Variants in VGLL4 observed in about 807,000 individuals in gnomAD.
The protein encoded by VGLL4 is vestigial like family member 4.
A neutral mutation model predicts 21.0 loss-of-function variants in VGLL4; 7 were observed. That is an observed-to-expected ratio of 0.33 (90% CI 0.19 to 0.63). The LOEUF is 0.63. VGLL4 is among the 20% of genes least tolerant of loss of function. The pLI is 0.78. For synonymous variants in VGLL4, 222 were observed against 173.2 expected, an observed-to-expected ratio of 1.28 and a Z score of -2.21; for missense variants, 394 against 425.7, an observed-to-expected ratio of 0.93 and a Z score of 0.66.
chr3:11,559,206 A>G lies in VGLL4; in HGVS notation c.619+126T>C, dbSNP rs910962795. The G allele has an allele frequency of 2.1e-6, 3 of 1,414,418 alleles. No individual in the cohort carries two copies. The East Asian group carries it at 7.6e-5, about 36-fold the overall frequency. 87.6% of individuals were successfully genotyped at this position (1,414,418 alleles called of 1,614,324 possible). A position where few individuals can be genotyped will look rare whatever the true frequency, so the allele number is the denominator to read the frequency against. On this transcript the variant is annotated intron_variant, in intron 4 of 4. Coordinates refer to ENST00000430365, the MANE Select transcript of VGLL4 (RefSeq NM_001128219.3). ...TAGGCGCACACTGGACGTGCTCAAG[A>G]AATACTTTTTCAACCTCAGCAATAG...
At chr3:11,642,820 G>C (rs1195350897) in intron 1 of VGLL4, among the ~76,000 whole-genome samples, 1 of 152,276 alleles carries the variant, frequency 6.6e-6, no homozygotes, top group Non-Finnish European at 1.5e-5. Context: ...ACAGGGAGCG[G>C]AGCGCGAGGA....
At chr3:11,659,040 A>G (rs1262324383) in intron 2 of VGLL4, among the ~76,000 whole-genome samples, 3 of 152,116 alleles carry the variant, frequency 2.0e-5, no homozygotes, top group Non-Finnish European at 4.4e-5. Flanking sequence ...AACCCAATAT[A>G]TATACAATTT....
At chr3:11,563,793 G>C (rs1037768445) in intron 3 of VGLL4, among the ~76,000 whole-genome samples, 3 of 152,194 alleles carry the variant, frequency 2.0e-5, no homozygotes, top group Non-Finnish European at 4.4e-5. Flanking sequence ...AAACAAACAG[G>C]ATTACCATGT....
chr3:11,568,863 C>T lies in VGLL4; in HGVS notation c.273-3844G>A, dbSNP rs1041612044. 1.5e-6 allele frequency: 2 copies of T among 1,372,138 alleles called. No individual in the cohort carries two copies. The highest frequency in any genetic ancestry group is 2.9e-5 in the East Asian group (1 of 34,584). 85.0% of individuals were successfully genotyped at this position (1,372,138 alleles called of 1,614,324 possible). ...TGGCTCCGTGCCAGGCCTATCAGAG[C>T]CGCTGAGGCTGCACGGCACCCGGCC... On this transcript the variant is annotated intron_variant, in intron 2 of 4. Coordinates refer to ENST00000430365, the MANE Select transcript of VGLL4 (RefSeq NM_001128219.3). The surrounding 1 kb of genome is among the most constrained non-coding windows in gnomAD (Gnocchi z 5.9).
intron 2 of VGLL4, among the ~76,000 whole-genome samples, chr3:11,698,998 T>A (rs903935859): frequency 6.6e-6 from 1 of 152,196 alleles, no homozygotes; most frequent in Non-Finnish European, 1.5e-5. Context: ...TGATCTCAAG[T>A]AGTAGAACAT....
chr3:11,631,389 C>A (rs2125316228), intron 1 of VGLL4, among the ~76,000 whole-genome samples: 1 of 152,228 alleles, frequency 6.6e-6, no homozygotes, highest in African/African-American at 2.4e-5. Context: ...TCCTGATTTC[C>A]CCAAACACTA....
chr3:11,588,131 G>A (rs2074402377), intron 2 of VGLL4, among the ~76,000 whole-genome samples: 1 of 152,226 alleles, frequency 6.6e-6, no homozygotes, highest in South Asian at 2.1e-4. Flanking sequence ...CCAAAGGGAA[G>A]AGTGTTTCCA....
chr3:11,628,895 C>A (rs867755335), intron 1 of VGLL4, among the ~76,000 whole-genome samples: 1 of 152,158 alleles, frequency 6.6e-6, no homozygotes, highest in African/African-American at 2.4e-5. Flanking sequence ...TACTTTGGAC[C>A]AAACAATTGC....
At chr3:11,597,409 G>A (rs1010728039) in intron 2 of VGLL4, among the ~76,000 whole-genome samples, 3 of 152,042 alleles carry the variant, frequency 2.0e-5, no homozygotes, top group African/African-American at 7.2e-5. Flanking sequence ...ATTTCTCAGG[G>A]TCACCGTATT....
chr3:11,603,729 G>T (rs149802601), intron 1 of VGLL4, among the ~76,000 whole-genome samples: 1 of 152,272 alleles, frequency 6.6e-6, no homozygotes, highest in Non-Finnish European at 1.5e-5. Flanking sequence ...GATGCGAGGG[G>T]ATGAGGAGTC....
upstream of VGLL4, among the ~76,000 whole-genome samples, chr3:11,648,072 G>C (rs2075818730): frequency 6.6e-6 from 1 of 152,074 alleles, no homozygotes; most frequent in African/African-American, 2.4e-5. Flanking sequence ...GTAGCAACAG[G>C]ATAGTTTTGT....
Position 11,570,262 on chromosome 3 carries a change from A to G in VGLL4, c.273-5243T>C, listed in dbSNP as rs1252894132. Among the ~76,000 whole-genome samples, 3 of 151,466 alleles carry G rather than the reference A, an allele frequency of 2.0e-5. No individual in the cohort carries two copies. In the South Asian group the frequency reaches 6.3e-4, roughly 32 times the overall value. ...ACCAAGAGACTCTCCATCACCTCGC[A>G]GCTCCATCCCAAGCTGCCAGGAGGC... On this transcript the variant is annotated intron_variant, in intron 2 of 4. Coordinates refer to ENST00000430365, the MANE Select transcript of VGLL4 (RefSeq NM_001128219.3).
chr3:11,586,639 C>G (rs535384383), intron 2 of VGLL4, among the ~76,000 whole-genome samples: 14 of 152,252 alleles, frequency 9.2e-5, no homozygotes, highest in Non-Finnish European at 1.5e-4. Context: ...CTTAAGTATA[C>G]GAGAGGATTT....
chr3:11,705,863 G>T (rs2125408004), intron 1 of VGLL4, among the ~76,000 whole-genome samples: 1 of 151,654 alleles, frequency 6.6e-6, no homozygotes, highest in Admixed American at 6.6e-5. Context: ...GGAGCTTGCA[G>T]TGAGCTGAGA....
chr3:11,626,340 C>T (rs772882701), intron 1 of VGLL4: 3 of 456,756 alleles, frequency 6.6e-6, no homozygotes, highest in Non-Finnish European at 1.3e-5. Context: ...CACACAAAGT[C>T]AAAACAAAAC....
rs901460048 is a variant in VGLL4, at chr3:11,557,668, T to TAGTA, written c.*884_*887dup. 2.0e-4 allele frequency: 31 copies of TAGTA among 152,830 alleles called. No individual in the cohort carries two copies. Among genetic ancestry groups the TAGTA allele is most frequent in the Non-Finnish European group, 5.9e-5 (4 of 68,044 alleles). The allele number at this position is 152,830 out of a possible 1,614,324, so 9.5% of individuals were successfully genotyped here. On this transcript the variant is annotated 3_prime_UTR_variant, in exon 5 of 5. Transcript: ENST00000430365. ...AAATAAACTAATTCTGAAAAGAAGATAGTAAGTATTAAGGTTTTTGTTTAC... is the reference window on the plus strand; with the variant it reads ...AAATAAACTAATTCTGAAAAGAAGATAGTAAGTAAGTATTAAGGTTTTTGTTTAC...
At chr3:11,665,095 A>AT (rs1559932541) in intron 2 of VGLL4, among the ~76,000 whole-genome samples, 4 of 78,388 alleles carry the variant, frequency 5.1e-5, no homozygotes, top group South Asian at 3.9e-4. Context: ...CAATTTGAAT[A>AT]TTTTTCTTTT....
chr3:11,590,733 A>C (rs976501013), intron 2 of VGLL4, among the ~76,000 whole-genome samples: 5 of 150,842 alleles, frequency 3.3e-5, no homozygotes, highest in African/African-American at 4.9e-5. Context: ...GAAACAGCAA[A>C]ATGGAGAGAG....
At chr3:11,721,762 C>T (rs2124848496), upstream of VGLL4, 1 of 152,314 alleles carries the variant, frequency 6.6e-6, no homozygotes, top group South Asian at 2.1e-4. Context: ...CAAACTCCGC[C>T]TCTATTTGTT....
Sources: gnomAD v4.1 joint callset for allele counts (sites outside exome capture counted in the v4.1 genomes callset) on GRCh38, gnomAD v4.1.1 for gene constraint, Gnocchi (gnomAD v3.1) non-coding constraint, MANE v1.5 for transcripts, NCBI Gene and HGNC (gene_info 2026-07-23, HGNC 2026-07-21) for gene names.